CACNG3: variants seen among roughly 807,000 people sequenced by gnomAD.
The protein encoded by CACNG3 is voltage-dependent calcium channel gamma-3 subunit.
CACNG3 carries 3 observed loss-of-function variants against 28.5 expected under a neutral mutation model. The ratio of observed to expected loss-of-function variants is 0.11; its 90% CI spans 0.05 to 0.27. CACNG3 has a LOEUF of 0.27. CACNG3 is among the 10% of genes least tolerant of loss of function. The pLI is 1.00. For missense variants in CACNG3, 236 were observed against 414.4 expected (o/e 0.57, Z 3.74); for synonymous variants, 174 against 162.2 (o/e 1.07, Z -0.55).
chr16:24,323,701 CT>C (rs1432920627), intron 1 of CACNG3, among the ~76,000 whole-genome samples: 1 of 152,174 alleles, frequency 6.6e-6, no homozygotes, highest in Admixed American at 6.5e-5. Context: ...GAGTCATTAC[CT>C]TTGCCTGGAA....
chr16:24,272,803 G>A (rs1199475965), intron 1 of CACNG3, among the ~76,000 whole-genome samples: 2 of 151,706 alleles, frequency 1.3e-5, no homozygotes, highest in East Asian at 3.9e-4. Flanking sequence ...TCTTTTTGGT[G>A]CCTATTTAGT....
chr16:24,328,635 T>A (rs1830921203), intron 1 of CACNG3, among the ~76,000 whole-genome samples: 1 of 151,852 alleles, frequency 6.6e-6, no homozygotes, highest in African/African-American at 2.4e-5. Flanking sequence ...TACTCACGGA[T>A]CATCGTAAGC....
At chr16:24,313,183 A>G (rs534339417) in intron 1 of CACNG3, among the ~76,000 whole-genome samples, 2 of 152,340 alleles carry the variant, frequency 1.3e-5, no homozygotes, top group Non-Finnish European at 2.9e-5. Flanking sequence ...TTAAAAAATA[A>G]CAGTAGCTAG....
chr16:24,285,989 G>A (rs1190587105), intron 1 of CACNG3, among the ~76,000 whole-genome samples: 3 of 151,844 alleles, frequency 2.0e-5, no homozygotes, highest in East Asian at 1.9e-4. Context: ...GACCACAGGC[G>A]CATGCCACCA....
At chr16:24,319,332 T>A (rs1340503480) in intron 1 of CACNG3, among the ~76,000 whole-genome samples, 1 of 152,230 alleles carries the variant, frequency 6.6e-6, no homozygotes, top group Admixed American at 6.5e-5. Flanking sequence ...GAGATAGTTA[T>A]CCTTGGCTAC....
At chr16:24,274,701 T>C (rs1898732043) in intron 1 of CACNG3, among the ~76,000 whole-genome samples, 1 of 152,188 alleles carries the variant, frequency 6.6e-6, no homozygotes, top group Non-Finnish European at 1.5e-5. Flanking sequence ...GGAATAGATG[T>C]TCTAGAATAT....
intron 1 of CACNG3, among the ~76,000 whole-genome samples, chr16:24,332,745 G>C (rs1408341017): frequency 6.6e-6 from 1 of 151,974 alleles, no homozygotes; most frequent in Non-Finnish European, 1.5e-5. Context: ...GTGCATTCAT[G>C]ACCGGACCAG....
In CACNG3 at chr16:24,306,099, C is replaced by T. The variant is rs185087974; in HGVS notation, c.212-40635C>T. On this transcript the variant is annotated intron_variant, in intron 1 of 3. Transcript: ENST00000005284. ...GTCTGAGTGCTTTGATGGAAGCCAC[C>T]AGGTGAACTTTCTTCCTCTGGTGCC... Among the ~76,000 whole-genome samples, 21 of 152,292 alleles carry T rather than the reference C, an allele frequency of 1.4e-4. No individual in the cohort carries two copies. In the East Asian group the frequency reaches 3.9e-3, roughly 28 times the overall value.
At chr16:24,352,176 G>A (rs922581096) in intron 2 of CACNG3, among the ~76,000 whole-genome samples, 11 of 152,070 alleles carry the variant, frequency 7.2e-5, no homozygotes, top group African/African-American at 2.7e-4. Flanking sequence ...GAATGAAAGT[G>A]CAGTACCAAA....
At chr16:24,290,411 G>A (rs1001377513) in intron 1 of CACNG3, among the ~76,000 whole-genome samples, 15 of 152,178 alleles carry the variant, frequency 9.9e-5, no homozygotes, top group Non-Finnish European at 1.9e-4. Flanking sequence ...GCCCCTTCAC[G>A]AAGAGAAGCC....
chr16:24,331,895 A>G (rs1899635493), intron 1 of CACNG3, among the ~76,000 whole-genome samples: 1 of 152,192 alleles, frequency 6.6e-6, no homozygotes, highest in Non-Finnish European at 1.5e-5. Flanking sequence ...GACTGCTCAG[A>G]TAGGCCCTTT....
chr16:24,291,406 A>G (rs78523184), intron 1 of CACNG3, among the ~76,000 whole-genome samples: 3,286 of 152,322 alleles, frequency 0.022, 45 homozygotes, highest in Non-Finnish European at 0.034. Flanking sequence ...GCGGTCCAAC[A>G]AACTTTCAAG....
chr16:24,338,492 C>G (rs1899740346), intron 1 of CACNG3, among the ~76,000 whole-genome samples: 1 of 152,034 alleles, frequency 6.6e-6, no homozygotes. Context: ...TATAGGCACG[C>G]ACCATCATGC....
chr16:24,346,593 G>T, intron 1 of CACNG3, 141 bp from the exon 2 acceptor site: 3 of 615,952 alleles, frequency 4.9e-6, no homozygotes, highest in Non-Finnish European at 8.7e-6. Flanking sequence ...AAAAATAAAG[G>T]TGCTCTTGGG....
At chr16:24,265,653 T>G (rs1302490792) in intron 1 of CACNG3, among the ~76,000 whole-genome samples, 2 of 152,184 alleles carry the variant, frequency 1.3e-5, no homozygotes, top group Non-Finnish European at 2.9e-5. Flanking sequence ...TAGCTAAAAA[T>G]ATTTTGTACA....
At chr16:24,360,091 C>T (rs554717695) in intron 3 of CACNG3, among the ~76,000 whole-genome samples, 1 of 152,270 alleles carries the variant, frequency 6.6e-6, no homozygotes, top group South Asian at 2.1e-4. Flanking sequence ...TACTCACCAA[C>T]TGTTGTCGGA....
At chr16:24,257,368 G>GGAGAGAGAGAGAGA (rs71154293) in intron 1 of CACNG3, among the ~76,000 whole-genome samples, 1 of 52,862 alleles carries the variant, frequency 1.9e-5, no homozygotes, top group African/African-American at 8.0e-5. Context: ...AAGTGAGGGG[G>GGAGAGAGAGAGAGA]GAGAGAGAGA....
intron 1 of CACNG3, among the ~76,000 whole-genome samples, chr16:24,322,785 A>G (rs555647989): frequency 1.1e-4 from 16 of 152,146 alleles, no homozygotes; most frequent in South Asian, 2.1e-4. Flanking sequence ...GATTATGTCT[A>G]TAATCTAAAT....
chr16:24,308,839 CAAAAAAAAAAAAAAAA>C (rs71154298), intron 1 of CACNG3, among the ~76,000 whole-genome samples: 2 of 27,270 alleles, frequency 7.3e-5, no homozygotes, highest in Non-Finnish European at 1.5e-4. Context: ...GAACCTACCT[CAAAAAAAAAAAAAAAA>C]AAAAAAAAAA....
Sources: gnomAD v4.1 joint callset for allele counts (sites outside exome capture counted in the v4.1 genomes callset) on GRCh38, gnomAD v4.1.1 for gene constraint, MANE v1.5 for transcripts, NCBI Gene and HGNC (gene_info 2026-07-23, HGNC 2026-07-21) for gene names.